The following MACROD2 variants were observed in gnomAD, a reference collection of about 807,000 sequenced individuals.
MACROD2 encodes the protein mono-ADP ribosylhydrolase 2, also known as ADP-ribose glycohydrolase MACROD2.
Under a neutral mutation model 70.4 loss-of-function variants are expected in MACROD2, and 36 were observed. The observed-to-expected ratio is 0.51, with a 90% CI of 0.39 to 0.68. The LOEUF (loss-of-function observed/expected upper bound fraction) is 0.68. MACROD2 is among the 30% of genes least tolerant of loss of function. The pLI, the probability that MACROD2 is intolerant of heterozygous loss-of-function variation, is 0.00. For missense variants in MACROD2, 496 were observed against 538.4 expected (o/e 0.92, Z 0.78); for synonymous variants, 172 against 178.8 (o/e 0.96, Z 0.30).
At chr20:15,171,030 A>G (rs2076418654) in intron 5 of MACROD2, among the ~76,000 whole-genome samples, 1 of 152,146 alleles carries the variant, frequency 6.6e-6, no homozygotes, top group South Asian at 2.1e-4. Flanking sequence ...ACCCTAAGCT[A>G]GAGTAAAGTA....
chr20:15,910,394 ATG>A (rs3072220), intron 10 of MACROD2, among the ~76,000 whole-genome samples: 42,181 of 146,192 alleles, frequency 0.29, 6,747 homozygotes, highest in Non-Finnish European at 0.38. Flanking sequence ...GTCAGAGGAC[ATG>A]TGTGTGTGTG....
intron 3 of MACROD2, among the ~76,000 whole-genome samples, chr20:14,163,404 A>C (rs538978016): frequency 9.2e-5 from 14 of 152,178 alleles, no homozygotes; most frequent in South Asian, 4.2e-4. Flanking sequence ...GACTTTTGAC[A>C]GTTTGACTAT....
intron 5 of MACROD2, among the ~76,000 whole-genome samples, chr20:15,122,533 C>A (rs989466704): frequency 2.6e-5 from 4 of 152,146 alleles, no homozygotes; most frequent in Admixed American, 6.6e-5. Flanking sequence ...GATTAAATAG[C>A]ATTGGAGGAT....
chr20:14,038,059 C>T (rs1231282130), intron 2 of MACROD2, among the ~76,000 whole-genome samples: 1 of 152,146 alleles, frequency 6.6e-6, no homozygotes, highest in Non-Finnish European at 1.5e-5. Context: ...CTTTGGGAGG[C>T]CGAGGCAGTG....
intron 6 of MACROD2, among the ~76,000 whole-genome samples, chr20:15,250,696 T>G (rs534838521): frequency 2.0e-5 from 3 of 152,336 alleles, no homozygotes; most frequent in African/African-American, 7.2e-5. Context: ...TCCCTTCACC[T>G]GAGTTACCTG....
intron 15 of MACROD2, among the ~76,000 whole-genome samples, chr20:16,033,335 C>A (rs1601354852): frequency 6.6e-6 from 1 of 152,118 alleles, no homozygotes; most frequent in African/African-American, 2.4e-5. Context: ...ACAGTGCTTT[C>A]TCCTCTGAGA....
intron 4 of MACROD2, among the ~76,000 whole-genome samples, chr20:14,658,358 T>TTA (rs146440889): frequency 0.028 from 4,306 of 152,272 alleles, 209 homozygotes; most frequent in African/African-American, 0.098. Context: ...TTAAATTATC[T>TTA]TAATACTTTC....
intron 3 of MACROD2, chr20:14,223,265 C>CTGTA (rs1488747096): frequency 6.6e-6 from 1 of 152,242 alleles, no homozygotes; most frequent in African/African-American, 2.4e-5. Flanking sequence ...CCATGCTGAT[C>CTGTA]TGTATATCAG....
At chr20:15,197,058 G>T in intron 5 of MACROD2, 1 of 982,346 alleles carries the variant, frequency 1.0e-6, no homozygotes, top group Non-Finnish European at 1.2e-6. Flanking sequence ...ACTCTTATAA[G>T]GTCCTTATAA....
intron 3 of MACROD2, among the ~76,000 whole-genome samples, chr20:14,447,539 A>G (rs2084196764): frequency 6.6e-6 from 1 of 151,488 alleles, no homozygotes; most frequent in South Asian, 2.1e-4. Flanking sequence ...CACACTGCCT[A>G]TAGGAAGAGG....
intron 6 of MACROD2, among the ~76,000 whole-genome samples, chr20:15,310,054 G>T (rs1010251077): frequency 6.6e-6 from 1 of 152,146 alleles, no homozygotes; most frequent in Non-Finnish European, 1.5e-5. Flanking sequence ...TACTAGCATA[G>T]TATGGCCAGA....
At chr20:14,322,777 A>G (rs1381288193) in intron 3 of MACROD2, among the ~76,000 whole-genome samples, 1 of 152,168 alleles carries the variant, frequency 6.6e-6, no homozygotes, top group Non-Finnish European at 1.5e-5. Flanking sequence ...GACCATAATA[A>G]TAGTAGTAAC....
chr20:15,177,136 G>T (rs1275335122), intron 5 of MACROD2, among the ~76,000 whole-genome samples: 1 of 152,172 alleles, frequency 6.6e-6, no homozygotes, highest in East Asian at 1.9e-4. Flanking sequence ...CCTTTGGTAG[G>T]TGTGGGATCC....
chr20:14,138,645 G>A (rs935761827), intron 3 of MACROD2, among the ~76,000 whole-genome samples: 1 of 152,020 alleles, frequency 6.6e-6, no homozygotes, highest in African/African-American at 2.4e-5. Flanking sequence ...GGAAGCTGTT[G>A]GTCAAAGCAT....
In MACROD2 at chr20:15,126,234, G is replaced by T. The variant is rs916946333; in HGVS notation, c.419-103706G>T. Reference sequence around the variant, plus strand: ...ATACACCTAGGAATAGAATTGCTGGGTCACATAGTAATTTTATGTTTAATT... The same window carrying T: ...ATACACCTAGGAATAGAATTGCTGGTTCACATAGTAATTTTATGTTTAATT... On this transcript the variant is annotated intron_variant, in intron 5 of 17. Coordinates refer to ENST00000684519, the MANE Select transcript of MACROD2 (RefSeq NM_001351661.2). Among the ~76,000 whole-genome samples the T allele has an allele frequency of 1.4e-3, 209 of 150,732 alleles. 3 individuals are homozygous for T. Among genetic ancestry groups the T allele is most frequent in the Admixed American group, 0.014 (206 of 15,072 alleles).
chr20:15,230,261 A>C (rs1233602101), intron 6 of MACROD2, among the ~76,000 whole-genome samples, 200 bp downstream of exon 6: 2 of 152,166 alleles, frequency 1.3e-5, no homozygotes, highest in Non-Finnish European at 2.9e-5. Flanking sequence ...GATGTTTCAG[A>C]ATTTAAAACT....
intron 5 of MACROD2, among the ~76,000 whole-genome samples, chr20:15,107,106 A>G (rs1309048733): frequency 6.6e-6 from 1 of 151,302 alleles, no homozygotes; most frequent in Non-Finnish European, 1.5e-5. Context: ...AACAAGTATT[A>G]CAGCTTAAAA....
intron 3 of MACROD2, among the ~76,000 whole-genome samples, chr20:14,141,072 G>A (rs2054866950): frequency 6.6e-6 from 1 of 152,146 alleles, no homozygotes; most frequent in African/African-American, 2.4e-5. Flanking sequence ...GTGTTGGGTA[G>A]GGCAGATATC....
chr20:15,491,956 A>T (rs1205585957), intron 7 of MACROD2, among the ~76,000 whole-genome samples: 1 of 152,220 alleles, frequency 6.6e-6, no homozygotes, highest in Non-Finnish European at 1.5e-5. Context: ...CCAGATCACA[A>T]AACAGCTGCA....
Sources: gnomAD v4.1 joint callset for allele counts (sites outside exome capture counted in the v4.1 genomes callset) on GRCh38, gnomAD v4.1.1 for gene constraint, MANE v1.5 for transcripts, NCBI Gene and HGNC (gene_info 2026-07-23, HGNC 2026-07-21) for gene names.